The following TRIO variants were observed in gnomAD, a reference collection of about 807,000 sequenced individuals.
TRIO encodes trio Rho guanine nucleotide exchange factor, also known as triple functional domain protein.
A neutral mutation model predicts 351.9 loss-of-function variants in TRIO; 58 were observed. The observed-to-expected ratio is 0.16, with a 90% CI of 0.13 to 0.21. The LOEUF is 0.21. Among genes scored for constraint, TRIO ranks in the 10% least tolerant of loss-of-function variants. The pLI is 1.00. For synonymous variants in TRIO, 1,758 were observed against 1,595.7 expected (o/e 1.10, Z -2.42); for missense variants, 3,201 against 4,027.8 (o/e 0.79, Z 5.56).
At chr5:14,203,505 T>C (rs1791266772) in intron 1 of TRIO, among the ~76,000 whole-genome samples, 1 of 152,268 alleles carries the variant, frequency 6.6e-6, no homozygotes, top group Non-Finnish European at 1.5e-5. Flanking sequence ...GGTTTTGTAC[T>C]TAATAATGAA....
In TRIO at chr5:14,368,907, G is replaced by C; in HGVS notation, c.3066+8G>C. On this transcript the variant is annotated splice_region_variant and intron_variant, in intron 17 of 56. Transcript: ENST00000344204. ...TACAAAACCTCAGAGCAGGTCAGGG[G>C]AGAGGTTCCCTTCCTTGAACTCCAC... The C allele has an allele frequency of 6.2e-7, 1 of 1,609,876 alleles. No homozygotes were observed. The highest frequency in any genetic ancestry group is 1.1e-5 in the South Asian group (1 of 90,910).
At chr5:14,342,954 G>GA (rs1425619110) in intron 11 of TRIO, among the ~76,000 whole-genome samples, 1 of 152,092 alleles carries the variant, frequency 6.6e-6, no homozygotes, top group African/African-American at 2.4e-5. Flanking sequence ...TCGTCAAGTT[G>GA]AAAAATCAAA....
Position 14,286,875 on chromosome 5 carries a change from G to A in TRIO, c.352G>A (p.Glu118Lys). ...ISYLACIPSE[E>K]VCKRGFTVIV... ...CCATGTTTTCTTTCTCTGCAGCGAG[G>A]AGGTCTGCAAGCGTGGCTTCACGGT... The change falls in exon 4 of 57, where the codon GAG becomes AAG. Residue 118 changes from glutamate to lysine, a missense_variant. Coordinates refer to ENST00000344204, the MANE Select transcript of TRIO (RefSeq NM_007118.4). The surrounding 1 kb of genome is among the most constrained non-coding windows in gnomAD (Gnocchi z 4.4). 1 of 1,612,332 alleles carries A rather than the reference G, an allele frequency of 6.2e-7. No individual in the cohort carries two copies. Among genetic ancestry groups the A allele is most frequent in the Non-Finnish European group, 8.5e-7 (1 of 1,178,986 alleles).
In TRIO at chr5:14,487,549, C is replaced by A; in HGVS notation, c.6921C>A (p.Gly2307=). 1 of 1,070,910 alleles carries A rather than the reference C, an allele frequency of 9.3e-7. No homozygotes were observed. The highest frequency in any genetic ancestry group is 1.1e-6 in the Non-Finnish European group (1 of 876,410). 66.3% of individuals were successfully genotyped at this position (1,070,910 alleles called of 1,614,324 possible). ...GGSGGSGGGG[G]SGGGGAPSGG... ...GCGGGGGCAGCGGCGGGGGTGGGGG[C>A]AGCGGCGGCGGCGGGGCCCCCAGTG... is the stretch of plus-strand genomic sequence containing the variant. Residue 2307 remains glycine (G), a synonymous_variant, in exon 48 of 57, where the codon GGC becomes GGA. Coordinates refer to ENST00000344204, the MANE Select transcript of TRIO (RefSeq NM_007118.4).
intron 34 of TRIO, among the ~76,000 whole-genome samples, chr5:14,454,149 G>A (rs1276997526): frequency 1.3e-5 from 2 of 152,082 alleles, no homozygotes; most frequent in African/African-American, 2.4e-5. Flanking sequence ...GGCTGGTCTC[G>A]AACTCCTGAC....
chr5:14,478,286 G>C (rs1489141919), intron 41 of TRIO, among the ~76,000 whole-genome samples: 1 of 152,310 alleles, frequency 6.6e-6, no homozygotes, highest in East Asian at 1.9e-4. Flanking sequence ...AGTGAAACCA[G>C]TTTTGTTTTG....
intron 16 of TRIO, 69 bp downstream of exon 16, chr5:14,367,048 A>G: frequency 1.9e-6 from 3 of 1,592,668 alleles, no homozygotes; most frequent in South Asian, 1.1e-5. Context: ...GAATCCCCCA[A>G]CATGGCACTG....
intron 40 of TRIO, 92 bp from the exon 41 acceptor site, chr5:14,476,802 A>G (rs1755108348): frequency 1.2e-5 from 14 of 1,158,582 alleles, no homozygotes; most frequent in Non-Finnish European, 1.7e-5. Context: ...AAAAAAAAAA[A>G]AGAAAAAAAG....
At chr5:14,239,292 T>TA (rs1443478008) in intron 1 of TRIO, among the ~76,000 whole-genome samples, 1 of 152,134 alleles carries the variant, frequency 6.6e-6, no homozygotes, top group African/African-American at 2.4e-5. Flanking sequence ...TCTTAGTTCT[T>TA]ATGTAAGCGT....
At chr5:14,393,179 G>A (rs935795200) in intron 27 of TRIO, among the ~76,000 whole-genome samples, 4 of 151,746 alleles carry the variant, frequency 2.6e-5, no homozygotes, top group Non-Finnish European at 5.9e-5. Context: ...TTACTCATAA[G>A]TGGGAGTTGA....
At position 14,485,122 on chromosome 5, in the gene TRIO, T is replaced by C; in HGVS notation, c.6711T>C (p.Ala2237=). The C allele has an allele frequency of 2.5e-6, 4 of 1,586,486 alleles. No individual in the cohort carries two copies. Among genetic ancestry groups the C allele is most frequent in the Non-Finnish European group, 2.6e-6 (3 of 1,159,686 alleles). ...TGGAAAATGATCCCTGTAAATTTGC[T>C]CTGACATCGAGGACGGGTGACGTGG... ...ENVENDPCKF[A]LTSRTGDVVE... Residue 2237 remains alanine (A), a synonymous_variant, in exon 47 of 57, where the codon GCT becomes GCC. Transcript: ENST00000344204.
rs1414988386 is a variant in TRIO, at chr5:14,480,002, G to A, written c.6327G>A (p.Leu2109=). The part of the protein sequence containing the change: ...KPVQRIMKYQ[L]LLKDFLKYSK... ...TGCAGAGAATCATGAAGTATCAGCT[G>A]TTACTGAAGGTGAGGAGGTGGCGGG... The change falls in exon 43 of 57, where the codon CTG becomes CTA. Residue 2109 remains leucine (L), a synonymous_variant. Transcript: ENST00000344204. 3 of 1,614,080 alleles carry A rather than the reference G, an allele frequency of 1.9e-6. No individual in the cohort carries two copies. The highest frequency in any genetic ancestry group is 1.7e-4 in the Middle Eastern group (1 of 6,060).
chr5:14,506,839 G>GGCCAC (rs1391306231), intron 55 of TRIO, among the ~76,000 whole-genome samples: 1 of 152,102 alleles, frequency 6.6e-6, no homozygotes, highest in Non-Finnish European at 1.5e-5. Context: ...CCGGCAGCCG[G>GGCCAC]GCCACGCCAT....
At chr5:14,175,490 G>A (rs2152130797) in intron 1 of TRIO, among the ~76,000 whole-genome samples, 1 of 152,152 alleles carries the variant, frequency 6.6e-6, no homozygotes, top group South Asian at 2.1e-4. Context: ...TGGAGCTAAA[G>A]ATTCTAGATT....
Position 14,482,739 on chromosome 5 carries a change from C to T in TRIO, c.6623C>T (p.Ser2208Phe), listed in dbSNP as rs761683305. The change falls in exon 46 of 57, where the codon TCC becomes TTC. Residue 2208 changes from serine (S) to phenylalanine (F), a missense_variant. Around this residue, in one of 19 missense-constraint regions of TRIO, gnomAD observed 1,089 missense variants for 954.9 expected, o/e 1.14. Coordinates refer to ENST00000344204, the MANE Select transcript of TRIO (RefSeq NM_007118.4). Reference protein sequence around the residue: ...SEPLDKKKGFSMPGFLFKNSI... With the variant: ...SEPLDKKKGFFMPGFLFKNSI... The stretch of plus-strand genomic sequence containing the variant: ...CCACTTGATAAAAAGAAGGGCTTCT[C>T]CATGCCGGGATTCCTGTTTAAGAAC... The T allele has an allele frequency of 4.4e-6, 7 of 1,606,746 alleles. No individual in the cohort carries two copies. The Admixed American group carries it at 1.2e-4, about 27-fold the overall frequency.
chr5:14,386,082 C>G (rs1417032530), intron 21 of TRIO, among the ~76,000 whole-genome samples: 1 of 152,184 alleles, frequency 6.6e-6, no homozygotes, highest in African/African-American at 2.4e-5. Flanking sequence ...TGTCAGAAGG[C>G]CATACATGCT....
chr5:14,317,227 T>C (rs1739452513), intron 9 of TRIO, among the ~76,000 whole-genome samples: 1 of 152,242 alleles, frequency 6.6e-6, no homozygotes, highest in Admixed American at 6.5e-5. Context: ...TTCTAAGCAG[T>C]TGCCATCTCT....
At chr5:14,325,724 C>T (rs570390561) in intron 9 of TRIO, among the ~76,000 whole-genome samples, 3 of 152,164 alleles carry the variant, frequency 2.0e-5, no homozygotes, top group East Asian at 1.9e-4. Flanking sequence ...AAGAGGAATC[C>T]GTAAATACTC....
chr5:14,286,821 G>C lies in TRIO; in HGVS notation c.348-50G>C. Reference sequence around the variant, plus strand: ...CACCCAGTGGGACTCTGACCAGGCAGAGTGGCAAGAGATGTAACCCGTCTT... The same window carrying C: ...CACCCAGTGGGACTCTGACCAGGCACAGTGGCAAGAGATGTAACCCGTCTT... On this transcript the variant is annotated intron_variant, in intron 3 of 56. Coordinates refer to ENST00000344204, the MANE Select transcript of TRIO (RefSeq NM_007118.4). The surrounding 1 kb of genome is among the most constrained non-coding windows in gnomAD (Gnocchi z 4.4). 6.4e-7 allele frequency: 1 copy of C among 1,571,230 alleles called. No individual in the cohort carries two copies. The highest frequency in any genetic ancestry group is 8.6e-7 in the Non-Finnish European group (1 of 1,157,504).
Sources: allele counts gnomAD v4.1 joint callset (sites outside exome capture counted in the v4.1 genomes callset), GRCh38; gene constraint gnomAD v4.1.1; regional missense constraint gnomAD v4.1.1; non-coding constraint Gnocchi (gnomAD v3.1); transcripts MANE v1.5; gene names NCBI Gene and HGNC (gene_info 2026-07-23, HGNC 2026-07-21).